The following GALNTL6 variants were observed in gnomAD, a reference collection of about 807,000 sequenced individuals.
GALNTL6 encodes the protein polypeptide N-acetylgalactosaminyltransferase-like 6.
GALNTL6 carries 46 observed loss-of-function variants against 73.7 expected under a neutral mutation model. The observed-to-expected ratio is 0.62, with a 90% CI of 0.49 to 0.80. The LOEUF is 0.80. GALNTL6 is among the 30% of genes least tolerant of loss of function. GALNTL6 has a pLI of 0.00. For missense variants in GALNTL6, 604 were observed against 755.0 expected (o/e 0.80, Z 2.34); for synonymous variants, 259 against 263.7 (o/e 0.98, Z 0.17).
At chr4:171,886,822 G>A (rs1283406771) in intron 2 of GALNTL6, among the ~76,000 whole-genome samples, 1 of 152,140 alleles carries the variant, frequency 6.6e-6, no homozygotes, top group African/African-American at 2.4e-5. Context: ...AGAGTATGAA[G>A]AGGTGGAGAG....
chr4:172,280,019 A>G (rs1738986040), intron 3 of GALNTL6, among the ~76,000 whole-genome samples: 2 of 152,206 alleles, frequency 1.3e-5, no homozygotes, highest in African/African-American at 2.4e-5. Flanking sequence ...TATATTACAT[A>G]TCTGGAGTAG....
intron 5 of GALNTL6, among the ~76,000 whole-genome samples, chr4:172,644,674 G>A (rs1327160652): frequency 1.3e-5 from 2 of 151,834 alleles, no homozygotes; most frequent in East Asian, 1.9e-4. Context: ...TGAATATTTT[G>A]TACTTGATAT....
chr4:171,924,432 T>C (rs78093558), intron 2 of GALNTL6, among the ~76,000 whole-genome samples: 6,697 of 152,120 alleles, frequency 0.044, 400 homozygotes, highest in African/African-American at 0.14. Context: ...TGGGAGAGTG[T>C]TTGACACATT....
rs1737638788 is a variant in GALNTL6, at chr4:172,245,827, T to C, written c.247+16063T>C. On this transcript the variant is annotated intron_variant, in intron 3 of 12. Coordinates refer to ENST00000506823, the MANE Select transcript of GALNTL6 (RefSeq NM_001034845.3). ...GAAAAGTGCCAGCTCTGGAGCCTGA[T>C]GGCAACACTTTCCAGAGACTGACTT... Among the ~76,000 whole-genome samples the C allele has an allele frequency of 3.3e-5, 5 of 152,146 alleles. No individual in the cohort carries two copies. In the South Asian group the frequency reaches 1.0e-3, roughly 31 times the overall value.
intron 10 of GALNTL6, among the ~76,000 whole-genome samples, chr4:172,997,612 T>C (rs1751852717): frequency 6.6e-6 from 1 of 152,166 alleles, no homozygotes. Flanking sequence ...TAAAACTTTC[T>C]ATTTTGTGAT....
chr4:172,553,207 G>A (rs2110906141), intron 5 of GALNTL6, among the ~76,000 whole-genome samples: 1 of 152,286 alleles, frequency 6.6e-6, no homozygotes, highest in Admixed American at 6.5e-5. Flanking sequence ...TATGCTTTGG[G>A]TGTGAATTAC....
intron 2 of GALNTL6, among the ~76,000 whole-genome samples, chr4:171,950,903 TAGAG>T (rs776128558): frequency 4.1e-4 from 63 of 151,878 alleles, no homozygotes; most frequent in Admixed American, 1.8e-3. Flanking sequence ...TTAAAACTGA[TAGAG>T]AGAATGAAAT....
At chr4:173,005,263 T>C (rs925679697) in intron 10 of GALNTL6, among the ~76,000 whole-genome samples, 2 of 152,196 alleles carry the variant, frequency 1.3e-5, no homozygotes, top group Admixed American at 6.5e-5. Flanking sequence ...TTCCCACCCA[T>C]TCCTAGCCAA....
intron 5 of GALNTL6, among the ~76,000 whole-genome samples, chr4:172,378,399 G>A (rs1435431015): frequency 6.6e-6 from 1 of 152,076 alleles, no homozygotes; most frequent in East Asian, 1.9e-4. Flanking sequence ...CTGGGAAGGT[G>A]AAAAGATATT....
intron 2 of GALNTL6, among the ~76,000 whole-genome samples, chr4:172,043,372 TTAAAGG>T (rs1742139535): frequency 6.6e-6 from 1 of 151,990 alleles, no homozygotes; most frequent in South Asian, 2.1e-4. Context: ...AAACCAGCAA[TTAAAGG>T]TAGGGAAAAC....
intron 2 of GALNTL6, among the ~76,000 whole-genome samples, chr4:171,923,413 T>G (rs1439600034): frequency 6.6e-6 from 1 of 150,674 alleles, no homozygotes; most frequent in African/African-American, 2.5e-5. Flanking sequence ...TTTTTTTTTT[T>G]TTGAGACGGA....
chr4:172,752,386 T>A (rs1737476961), intron 5 of GALNTL6, among the ~76,000 whole-genome samples: 1 of 152,076 alleles, frequency 6.6e-6, no homozygotes, highest in Admixed American at 6.6e-5. Context: ...CTTCCTTCAT[T>A]TTTTCCCCTG....
At chr4:172,177,834 C>CAT (rs1218933794) in intron 2 of GALNTL6, among the ~76,000 whole-genome samples, 2 of 68,466 alleles carry the variant, frequency 2.9e-5, no homozygotes, top group Non-Finnish European at 6.7e-5. Flanking sequence ...TATACACACA[C>CAT]ATATATATGT....
chr4:172,336,148 T>G (rs1741307836), intron 4 of GALNTL6, among the ~76,000 whole-genome samples: 1 of 152,144 alleles, frequency 6.6e-6, no homozygotes. Context: ...ATTATGTCTC[T>G]ATTTTTTATT....
intron 2 of GALNTL6, among the ~76,000 whole-genome samples, chr4:172,122,857 A>G (rs1733189757): frequency 6.6e-6 from 1 of 152,176 alleles, no homozygotes; most frequent in Non-Finnish European, 1.5e-5. Flanking sequence ...CTATGTGCCT[A>G]TTCTAACATA....
chr4:172,709,925 A>G (rs1734595727), intron 5 of GALNTL6, among the ~76,000 whole-genome samples: 1 of 152,126 alleles, frequency 6.6e-6, no homozygotes, highest in Non-Finnish European at 1.5e-5. Context: ...TTGACAAGCA[A>G]AGCACTAACA....
intron 2 of GALNTL6, among the ~76,000 whole-genome samples, chr4:172,073,519 G>T (rs761880699): frequency 4.6e-5 from 7 of 152,178 alleles, no homozygotes; most frequent in African/African-American, 1.7e-4. Context: ...TGGCTGCTAT[G>T]ATTTTGATTG....
At chr4:172,792,203 G>A (rs1250313649) in intron 5 of GALNTL6, among the ~76,000 whole-genome samples, 1 of 152,154 alleles carries the variant, frequency 6.6e-6, no homozygotes, top group East Asian at 1.9e-4. Flanking sequence ...CAAAATGAGC[G>A]CAAATAAATG....
chr4:172,883,554 A>G (rs1195048964), intron 8 of GALNTL6, among the ~76,000 whole-genome samples: 4 of 152,152 alleles, frequency 2.6e-5, no homozygotes, highest in Non-Finnish European at 5.9e-5. Flanking sequence ...GAACTCACTC[A>G]CCAGCAAGGG....
Sources: allele counts gnomAD v4.1 joint callset (sites outside exome capture counted in the v4.1 genomes callset), GRCh38; gene constraint gnomAD v4.1.1; transcripts MANE v1.5; gene names NCBI Gene and HGNC (gene_info 2026-07-23, HGNC 2026-07-21).